The following MASTL variants were observed in gnomAD, a reference collection of about 807,000 sequenced individuals.
The protein encoded by MASTL is serine/threonine-protein kinase greatwall.
A neutral mutation model predicts 82.5 loss-of-function variants in MASTL; 54 were observed. That is an observed-to-expected ratio of 0.65 (90% CI 0.53 to 0.82). The LOEUF (loss-of-function observed/expected upper bound fraction) is 0.82. MASTL is among the 40% of genes least tolerant of loss of function. MASTL has a pLI of 0.00. For missense variants in MASTL, 950 were observed against 1,047.8 expected, an observed-to-expected ratio of 0.91 and a Z score of 1.29; for synonymous variants, 323 against 368.9, an observed-to-expected ratio of 0.88 and a Z score of 1.43.
chr10:27,177,366 G>C (rs562761119), intron 9 of MASTL, among the ~76,000 whole-genome samples: 313 of 152,190 alleles, frequency 2.1e-3, no homozygotes, highest in African/African-American at 7.3e-3. Flanking sequence ...ATTATAATTT[G>C]CATTATCTCT....
intron 4 of MASTL, among the ~76,000 whole-genome samples, chr10:27,162,900 G>A (rs2057618130): frequency 6.6e-6 from 1 of 151,914 alleles, no homozygotes; most frequent in Admixed American, 6.6e-5. Flanking sequence ...CTGATGTAGG[G>A]GTATTTATAG....
chr10:27,158,419 A>G (rs1449558565), intron 1 of MASTL, 130 bp from the exon 2 acceptor site: 6 of 725,974 alleles, frequency 8.3e-6, no homozygotes, highest in African/African-American at 7.0e-5. Context: ...AGGTGGGAGG[A>G]TAACTTGAGC....
rs1441719960 is a variant in MASTL, at chr10:27,155,605, C to T, written c.179C>T (p.Ala60Val). The T allele has an allele frequency of 3.7e-6, 6 of 1,614,010 alleles. No individual in the cohort carries two copies. In the African/African-American group the frequency reaches 5.3e-5, roughly 14 times the overall value. ...YLGQKGGKLY[A>V]VKVVKKADMI... ...GGGCAGAAAGGCGGCAAATTGTATG[C>T]AGTAAAGGTAGGAAGTCAACGAGTA... Residue 60 changes from alanine (A) to valine (V), a missense_variant, in exon 1 of 12, where the codon GCA becomes GTA. Ala to Val is a moderately conservative substitution (Grantham distance 64, BLOSUM62 0). Transcript: ENST00000375940.
chr10:27,157,551 A>C (rs1167993752), intron 1 of MASTL, among the ~76,000 whole-genome samples: 1 of 152,236 alleles, frequency 6.6e-6, no homozygotes, highest in East Asian at 1.9e-4. Context: ...CTTTGAAAGA[A>C]ATATGCCTTT....
upstream of MASTL, chr10:27,155,215 G>A (rs147138292): frequency 8.5e-6 from 5 of 590,014 alleles, no homozygotes; most frequent in South Asian, 2.0e-5. Flanking sequence ...CGCGGTCGCC[G>A]CCCACGAAGA....
chr10:27,186,417 G>GA lies in MASTL; in HGVS notation c.2525dup (p.Asn842LysfsTer15). ...TCCTCTCTTCAGTGATGTGGACTGGGAAAATCTGCAGCATCAGACTATGCC... is the reference window on the plus strand; with the variant it reads ...TCCTCTCTTCAGTGATGTGGACTGGGAAAAATCTGCAGCATCAGACTATGCC... On this transcript the variant is annotated frameshift_variant, in exon 12 of 12. Coordinates refer to ENST00000375940, the MANE Select transcript of MASTL (RefSeq NM_001172303.3). LOFTEE classifies it high-confidence loss of function. The GA allele has an allele frequency of 6.2e-7, 1 of 1,614,054 alleles. No homozygotes were observed. The highest frequency in any genetic ancestry group is 8.5e-7 in the Non-Finnish European group (1 of 1,180,014).
rs529190578 is a variant in MASTL, at chr10:27,171,131, A to G, written c.2124+48A>G. ...CTGTTTTTTGGATTTTAGAAAAACT[A>G]TGAAGACAGACATTTGCCTCTAAGC... On this transcript the variant is annotated intron_variant, in intron 8 of 11. Coordinates refer to ENST00000375940, the MANE Select transcript of MASTL (RefSeq NM_001172303.3). The G allele has an allele frequency of 2.8e-4, 415 of 1,491,706 alleles. 4 individuals are homozygous for G. In the South Asian group the frequency reaches 4.4e-3, roughly 16 times the overall value. 92.4% of individuals were successfully genotyped at this position (1,491,706 alleles called of 1,614,324 possible).
At chr10:27,178,418 A>G (rs2058171317) in intron 9 of MASTL, among the ~76,000 whole-genome samples, 1 of 151,642 alleles carries the variant, frequency 6.6e-6, no homozygotes, top group South Asian at 2.1e-4. Flanking sequence ...AAAATTGACA[A>G]CTACAGAAGG....
chr10:27,155,730 T>C, intron 1 of MASTL, 118 bp downstream of exon 1: 1 of 1,157,646 alleles, frequency 8.6e-7, no homozygotes, highest in Non-Finnish European at 1.3e-6. Context: ...CCTGGCTTGC[T>C]GAAGCCTCCA....
rs11442040 is a variant in MASTL, at chr10:27,187,751, CAAA to C, written c.*1227_*1229del. 7.2e-6 allele frequency among the ~76,000 whole-genome samples: 1 copy of C among 139,374 alleles called. No individual in the cohort carries two copies. Among genetic ancestry groups the C allele is most frequent in the Non-Finnish European group, 1.6e-5 (1 of 64,066 alleles). The allele number at this position is 139,374 out of a possible 152,430, so 91.4% of individuals were successfully genotyped here. A position where few individuals can be genotyped will look rare whatever the true frequency, so the allele number is the denominator to read the frequency against. The stretch of plus-strand genomic sequence containing the variant: ...TGGGCAACAGAATGAGACTCAGTCT[CAAA>C]AAAAAAAAAAATACTACTGGAACAA... On this transcript the variant is annotated 3_prime_UTR_variant, in exon 12 of 12. Transcript: ENST00000375940.
At position 27,170,598 on chromosome 10, in the gene MASTL, G is replaced by T; in HGVS notation, c.1639G>T (p.Asp547Tyr). 6.2e-7 allele frequency: 1 copy of T among 1,609,402 alleles called. No individual in the cohort carries two copies. Among genetic ancestry groups the T allele is most frequent in the Non-Finnish European group, 8.5e-7 (1 of 1,178,228 alleles). The change falls in exon 8 of 12, where the codon GAC becomes TAC. Residue 547 changes from aspartate (D) to tyrosine (Y), a missense_variant. Coordinates refer to ENST00000375940, the MANE Select transcript of MASTL (RefSeq NM_001172303.3). ...AGACTGTGAAAAGAATAGTAAGAGG[G>T]ACTACTTAAGTTCTAGTTTTCTATG... ...DEDCEKNSKR[D>Y]YLSSSFLCSD...
At position 27,158,564 on chromosome 10, in the gene MASTL, G is replaced by T; in HGVS notation, c.202G>T (p.Asp68Tyr). ...LYAVKVVKKADMINKNMTHQV... is the reference protein window; with the variant it reads ...LYAVKVVKKAYMINKNMTHQV... ...TCTATTACAGGTTGTTAAAAAAGCAGACATGATCAACAAAAATATGACTCA... is the reference window on the plus strand; with the variant it reads ...TCTATTACAGGTTGTTAAAAAAGCATACATGATCAACAAAAATATGACTCA... Residue 68 changes from aspartate to tyrosine, a missense_variant, in exon 2 of 12, where the codon GAC becomes TAC. Coordinates refer to ENST00000375940, the MANE Select transcript of MASTL (RefSeq NM_001172303.3). The T allele has an allele frequency of 6.2e-7, 1 of 1,605,206 alleles. No individual in the cohort carries two copies.
At chr10:27,175,912 C>T (rs2058087084) in intron 9 of MASTL, among the ~76,000 whole-genome samples, 1 of 152,078 alleles carries the variant, frequency 6.6e-6, no homozygotes, top group Non-Finnish European at 1.5e-5. Context: ...GCCTGGCCAA[C>T]ATGGTAAAAC....
Position 27,170,361 on chromosome 10 carries a change from T to C in MASTL, c.1402T>C (p.Tyr468His). Residue 468 changes from tyrosine to histidine, a missense_variant, in exon 8 of 12, where the codon TAT (tyrosine) becomes CAT (histidine). Physicochemically the swap from Tyr to His is moderately conservative, Grantham distance 83. Transcript: ENST00000375940. ...ACAGAATAAAAAAACTTGTGTAGAG[T>C]ATAAGCATAACGAAATGACAAATTG... ...IIQNKKTCVE[Y>H]KHNEMTNCYT... 2 of 1,613,732 alleles carry C rather than the reference T, an allele frequency of 1.2e-6. No individual in the cohort carries two copies. Among genetic ancestry groups the C allele is most frequent in the Non-Finnish European group, 1.7e-6 (2 of 1,179,724 alleles).
intron 6 of MASTL, among the ~76,000 whole-genome samples, chr10:27,165,856 G>A (rs1401206596): frequency 6.7e-6 from 1 of 149,968 alleles, no homozygotes; most frequent in East Asian, 2.0e-4. Flanking sequence ...AGCCTTAATA[G>A]CGCCATTGCA....
intron 4 of MASTL, among the ~76,000 whole-genome samples, chr10:27,163,134 C>G (rs898669687): frequency 2.0e-5 from 3 of 152,098 alleles, no homozygotes; most frequent in African/African-American, 7.2e-5. Flanking sequence ...CCAGGCTGGT[C>G]TCGAGCTCCT....
chr10:27,173,465 G>A (rs542754425), intron 9 of MASTL, among the ~76,000 whole-genome samples: 31 of 152,264 alleles, frequency 2.0e-4, no homozygotes, highest in African/African-American at 7.5e-4. Context: ...AAGACCAGAT[G>A]CTGGAGTACA....
intron 1 of MASTL, among the ~76,000 whole-genome samples, chr10:27,156,105 C>A (rs1175861994): frequency 6.6e-6 from 1 of 151,994 alleles, no homozygotes; most frequent in African/African-American, 2.4e-5. Context: ...CCCGGGTTCA[C>A]GCCATTCCCC....
At chr10:27,155,710 G>C in intron 1 of MASTL, 98 bp downstream of exon 1, 2 of 1,401,018 alleles carry the variant, frequency 1.4e-6, no homozygotes, top group Admixed American at 1.9e-5. Context: ...GGAGCGAGGA[G>C]TCTGGGTGGC....
Sources: allele counts gnomAD v4.1 joint callset (sites outside exome capture counted in the v4.1 genomes callset), GRCh38; gene constraint gnomAD v4.1.1; transcripts MANE v1.5; gene names NCBI Gene and HGNC (gene_info 2026-07-23, HGNC 2026-07-21).